TRPM7: variants seen among roughly 807,000 people sequenced by gnomAD.
The protein encoded by TRPM7 is transient receptor potential cation channel subfamily M member 7.
A neutral mutation model predicts 229.7 loss-of-function variants in TRPM7; 134 were observed. The ratio of observed to expected loss-of-function variants is 0.58; its 90% confidence interval spans 0.51 to 0.67. The LOEUF is 0.67. TRPM7 is among the 30% of genes least tolerant of loss of function. TRPM7 has a pLI of 0.00. For synonymous variants in TRPM7, 699 were observed against 715.2 expected (o/e 0.98, Z 0.36); for missense variants, 1,901 against 2,210.0 (o/e 0.86, Z 2.80).
At chr15:50,579,564 A>C (rs1182506383) in intron 30 of TRPM7, among the ~76,000 whole-genome samples, 1 of 152,208 alleles carries the variant, frequency 6.6e-6, no homozygotes, top group Non-Finnish European at 1.5e-5. Context: ...GCATTCTGCA[A>C]GACAATGTTC....
intron 6 of TRPM7, among the ~76,000 whole-genome samples, chr15:50,638,277 T>G (rs1189116410): frequency 7.2e-6 from 1 of 138,036 alleles, no homozygotes; most frequent in African/African-American, 2.7e-5. Flanking sequence ...GAGAATGGCG[T>G]GAACCCGGGA....
At chr15:50,570,769 C>T (rs1055203208) in intron 36 of TRPM7, among the ~76,000 whole-genome samples, 3 of 150,486 alleles carry the variant, frequency 2.0e-5, no homozygotes, top group Non-Finnish European at 1.5e-5. Context: ...ACGGGAGAAT[C>T]GCTTGAACCT....
chr15:50,594,701 CTAAA>C, intron 23 of TRPM7, 88 bp from the exon 24 acceptor site: 1 of 897,410 alleles, frequency 1.1e-6, no homozygotes, highest in South Asian at 2.4e-5. Context: ...TAATTCTGTA[CTAAA>C]TAATAATTCA....
In TRPM7 at chr15:50,679,521, T is replaced by TAC. The variant is rs1372264062; in HGVS notation, c.3+7009_3+7010insGT. The stretch of plus-strand genomic sequence containing the variant: ...TATGTGTATATATATAATATATATA[T>TAC]ATATATATATATATATATTTTTTTT... On this transcript the variant is annotated intron_variant, in intron 1 of 38. Transcript: ENST00000646667. 8.9e-3 allele frequency among the ~76,000 whole-genome samples: 196 copies of TAC among 22,098 alleles called. 1 individual carries two copies. The highest frequency in any genetic ancestry group is 0.024 in the African/African-American group (187 of 7,892). The allele number at this position is 22,098 out of a possible 152,430, so 14.5% of individuals were successfully genotyped here.
Position 50,612,819 on chromosome 15 carries a change from A to G in TRPM7, c.1781T>C (p.Val594Ala), listed in dbSNP as rs2060098809. Residue 594 changes from valine (V) to alanine (A), a missense_variant, in exon 16 of 39, where the codon GTT becomes GCT. By Grantham distance (64) the Val-to-Ala change is moderately conservative. Around this residue, in one of 8 missense-constraint regions of TRPM7, gnomAD observed 794 missense variants for 881.9 expected, o/e 0.90. Coordinates refer to ENST00000646667, the MANE Select transcript of TRPM7 (RefSeq NM_017672.6). Reference protein sequence around the residue: ...AQPYRPKIDTVMEEGKKKRTK... With the variant: ...AQPYRPKIDTAMEEGKKKRTK... Reference sequence around the variant, plus strand: ...TCTTTTCTTCTTTCCTTCTTCCATAACTGTATCAATCTTCCAGGGAAAATA... The same window carrying G: ...TCTTTTCTTCTTTCCTTCTTCCATAGCTGTATCAATCTTCCAGGGAAAATA... 6.2e-7 allele frequency: 1 copy of G among 1,611,268 alleles called. No individual in the cohort carries two copies. The highest frequency in any genetic ancestry group is 8.5e-7 in the Non-Finnish European group (1 of 1,179,342).
chr15:50,582,072 C>A (rs1390170089), intron 29 of TRPM7, among the ~76,000 whole-genome samples: 3 of 152,170 alleles, frequency 2.0e-5, no homozygotes, highest in Non-Finnish European at 1.5e-5. Flanking sequence ...AGGAGACTCT[C>A]CTGCTTCAGC....
At chr15:50,588,128 A>G (rs2059390273) in intron 27 of TRPM7, 1 of 706,018 alleles carries the variant, frequency 1.4e-6, no homozygotes, top group Non-Finnish European at 1.7e-6. Context: ...TCCTCCATCT[A>G]AAAGCACATG....
At chr15:50,631,353 T>C (rs914009415) in intron 10 of TRPM7, 64 bp downstream of exon 10, 10 of 954,002 alleles carry the variant, frequency 1.0e-5, no homozygotes, top group African/African-American at 1.6e-5. Flanking sequence ...TATACACACA[T>C]ACACACACAT....
At chr15:50,680,165 C>G (rs12591188) in intron 1 of TRPM7, among the ~76,000 whole-genome samples, 27,576 of 151,936 alleles carry the variant, frequency 0.18, 3,236 homozygotes, top group East Asian at 0.46. Flanking sequence ...ACCCGGGAGG[C>G]AGAGGCTGCA....
At chr15:50,651,103 C>A (rs2140854111) in intron 3 of TRPM7, among the ~76,000 whole-genome samples, 1 of 152,222 alleles carries the variant, frequency 6.6e-6, no homozygotes, top group African/African-American at 2.4e-5. Flanking sequence ...GGGAGGACTG[C>A]TTGAGCCCAG....
intron 28 of TRPM7, among the ~76,000 whole-genome samples, chr15:50,583,578 T>C (rs1031329900): frequency 9.1e-6 from 1 of 109,540 alleles, no homozygotes; most frequent in Non-Finnish European, 2.0e-5. Flanking sequence ...GCTTAGAGTT[T>C]TGTTTTTTTT....
At chr15:50,565,294 T>A (rs951731891) in intron 38 of TRPM7, among the ~76,000 whole-genome samples, 2 of 152,082 alleles carry the variant, frequency 1.3e-5, no homozygotes, top group Non-Finnish European at 2.9e-5. Flanking sequence ...GGAAACTGTT[T>A]AAATTTAAAA....
At chr15:50,685,411 C>A (rs2062335229) in intron 1 of TRPM7, among the ~76,000 whole-genome samples, 1 of 152,176 alleles carries the variant, frequency 6.6e-6, no homozygotes, top group South Asian at 2.1e-4. Flanking sequence ...GAGCGGAGAT[C>A]GCGCCACTTC....
intron 10 of TRPM7, among the ~76,000 whole-genome samples, chr15:50,630,271 ATATTT>A (rs1567042542): frequency 6.8e-6 from 1 of 146,448 alleles, no homozygotes; most frequent in Non-Finnish European, 1.5e-5. Flanking sequence ...TGATATAAAT[ATATTT>A]TATCACAGTA....
rs368494216 is a variant in TRPM7, at chr15:50,591,985, G to C, written c.4250C>G (p.Thr1417Ser). 1.8e-5 allele frequency: 29 copies of C among 1,609,356 alleles called. No homozygotes were observed. Among genetic ancestry groups the C allele is most frequent in the Non-Finnish European group, 2.4e-5 (28 of 1,178,796 alleles). ...SQPSCKSHLE[T>S]GTKDQETVCS... ...AACAGTTTCTTGATCTTTGGTTCCA[G>C]TTTCCAAGTGGCTTTTGCAACTTGG... The change falls in exon 26 of 39, where the codon ACT (threonine) becomes AGT (serine). Residue 1417 changes from threonine to serine, a missense_variant. Physicochemically the swap from Thr to Ser is moderately conservative, Grantham distance 58. Coordinates refer to ENST00000646667, the MANE Select transcript of TRPM7 (RefSeq NM_017672.6).
intron 24 of TRPM7, among the ~76,000 whole-genome samples, 197 bp from the exon 25 acceptor site, chr15:50,593,946 C>A (rs893585635): frequency 2.6e-5 from 4 of 152,274 alleles, no homozygotes; most frequent in Admixed American, 1.3e-4. Flanking sequence ...CAGCAGAATA[C>A]AATCAGGTAC....
intron 13 of TRPM7, among the ~76,000 whole-genome samples, chr15:50,614,664 C>CAAA (rs59336476): frequency 6.5e-5 from 6 of 92,686 alleles, no homozygotes; most frequent in Non-Finnish European, 1.1e-4. Context: ...GACTTGGTCT[C>CAAA]AAAAAAAAAA....
intron 28 of TRPM7, among the ~76,000 whole-genome samples, chr15:50,583,580 G>GT (rs3077872): frequency 0.17 from 22,838 of 136,656 alleles, 2,442 homozygotes; most frequent in African/African-American, 0.31. Flanking sequence ...TTAGAGTTTT[G>GT]TTTTTTTTTT....
At chr15:50,564,146 G>A (rs1413647018) in intron 38 of TRPM7, among the ~76,000 whole-genome samples, 4 of 151,886 alleles carry the variant, frequency 2.6e-5, no homozygotes, top group Non-Finnish European at 5.9e-5. Flanking sequence ...ACAGGCATGA[G>A]CCATGGTGCC....
Sources: allele counts gnomAD v4.1 joint callset (sites outside exome capture counted in the v4.1 genomes callset), GRCh38; gene constraint gnomAD v4.1.1; regional missense constraint gnomAD v4.1.1; transcripts MANE v1.5; gene names NCBI Gene and HGNC (gene_info 2026-07-23, HGNC 2026-07-21).